Variants in GTF2E2 observed in about 807,000 individuals in gnomAD.
GTF2E2 encodes general transcription factor IIE subunit 2.
GTF2E2 carries 21 observed loss-of-function variants against 40.5 expected under a neutral mutation model. The ratio of observed to expected loss-of-function variants is 0.52; its 90% CI spans 0.37 to 0.75. GTF2E2 has a LOEUF of 0.75. Among genes scored for constraint, GTF2E2 ranks in the 30% least tolerant of loss-of-function variants. The pLI, the probability that GTF2E2 is intolerant of heterozygous loss-of-function variation, is 0.00. For synonymous variants in GTF2E2, 117 were observed against 121.6 expected, an observed-to-expected ratio of 0.96 and a Z score of 0.25; for missense variants, 298 against 338.4, an observed-to-expected ratio of 0.88 and a Z score of 0.94.
At chr8:30,627,160 A>T (rs1443043659) in intron 3 of GTF2E2, among the ~76,000 whole-genome samples, 2 of 152,204 alleles carry the variant, frequency 1.3e-5, no homozygotes, top group Non-Finnish European at 2.9e-5. Flanking sequence ...AATTGATGAC[A>T]TGTCACATGA....
At chr8:30,622,404 G>T (rs1003676455) in intron 3 of GTF2E2, among the ~76,000 whole-genome samples, 1 of 150,814 alleles carries the variant, frequency 6.6e-6, no homozygotes. Flanking sequence ...CAAATAGGGT[G>T]TGGGTCACAG....
At chr8:30,609,278 A>G (rs942536792) in intron 5 of GTF2E2, among the ~76,000 whole-genome samples, 10 of 108,836 alleles carry the variant, frequency 9.2e-5, no homozygotes, top group African/African-American at 2.8e-4. Context: ...AAAAAAAAAA[A>G]AAGAGAAAGA....
At chr8:30,616,652 GA>G (rs1378921699) in intron 3 of GTF2E2, among the ~76,000 whole-genome samples, 2 of 151,968 alleles carry the variant, frequency 1.3e-5, no homozygotes, top group African/African-American at 4.8e-5. Context: ...TATGGACTTT[GA>G]GTGGTAATTT....
intron 1 of GTF2E2, among the ~76,000 whole-genome samples, chr8:30,655,870 G>A (rs999270567): frequency 6.6e-6 from 1 of 152,062 alleles, no homozygotes; most frequent in African/African-American, 2.4e-5. Context: ...GAGTGCAGTG[G>A]TGCAATCTCG....
At chr8:30,594,679 G>A (rs1310870289) in intron 6 of GTF2E2, among the ~76,000 whole-genome samples, 1 of 151,494 alleles carries the variant, frequency 6.6e-6, no homozygotes, top group Non-Finnish European at 1.5e-5. Flanking sequence ...CCAACATGAA[G>A]AAATCCTGTC....
chr8:30,597,396 A>T (rs943558960), intron 6 of GTF2E2: 1 of 152,162 alleles, frequency 6.6e-6, no homozygotes, highest in East Asian at 1.9e-4. Flanking sequence ...CCTTGCCTCA[A>T]TCTTTTTTGT....
chr8:30,580,328 TCA>T lies in GTF2E2; in HGVS notation c.710_711del (p.Leu237GlnfsTer34), dbSNP rs1828480920. 6.2e-7 allele frequency: 1 copy of T among 1,611,238 alleles called. No individual in the cohort carries two copies. Among genetic ancestry groups the T allele is most frequent in the Admixed American group, 1.7e-5 (1 of 60,010 alleles). On this transcript the variant is annotated frameshift_variant, in exon 7 of 8. Coordinates refer to ENST00000355904, the MANE Select transcript of GTF2E2 (RefSeq NM_002095.6). LOFTEE classifies it high-confidence loss of function. ...SMDEEKIEEY[L>X]KRQGISSMQE... ...TGCATGGAAGAAATACCCTGTCGCT[TCA>T]GATATTCTTCAATTTTCTCCTCGTC...
At chr8:30,637,172 C>CCATTTTGT in intron 2 of GTF2E2, 1 of 453,524 alleles carries the variant, frequency 2.2e-6, no homozygotes, top group African/African-American at 2.0e-5. Flanking sequence ...CTGAAACTGG[C>CCATTTTGT]CATTTTGTCA....
At chr8:30,604,672 G>T (rs770448010) in intron 6 of GTF2E2, among the ~76,000 whole-genome samples, 1 of 152,094 alleles carries the variant, frequency 6.6e-6, no homozygotes, top group Non-Finnish European at 1.5e-5. Flanking sequence ...CACAAGACAC[G>T]GAACACATAT....
chr8:30,580,556 C>A (rs145220998), intron 6 of GTF2E2, among the ~76,000 whole-genome samples, 160 bp from the exon 7 acceptor site: 1 of 152,148 alleles, frequency 6.6e-6, no homozygotes, highest in Non-Finnish European at 1.5e-5. Flanking sequence ...ATGTGGGACA[C>A]GGTGCAGGGA....
chr8:30,584,143 C>T (rs1828603707), intron 6 of GTF2E2, among the ~76,000 whole-genome samples: 1 of 151,608 alleles, frequency 6.6e-6, no homozygotes. Context: ...AACATCCCAG[C>T]TCTAATCACT....
At chr8:30,651,077 G>T (rs1427879651) in intron 2 of GTF2E2, among the ~76,000 whole-genome samples, 2 of 151,838 alleles carry the variant, frequency 1.3e-5, no homozygotes, top group Non-Finnish European at 2.9e-5. Context: ...ACTGGAAAGG[G>T]CATGTACAAA....
chr8:30,614,206 A>C (rs943649867), intron 4 of GTF2E2, among the ~76,000 whole-genome samples: 1 of 152,226 alleles, frequency 6.6e-6, no homozygotes, highest in African/African-American at 2.4e-5. Context: ...CAATCTTATA[A>C]ATGTGTACAT....
At chr8:30,581,116 C>A (rs955888968) in intron 6 of GTF2E2, among the ~76,000 whole-genome samples, 1 of 152,190 alleles carries the variant, frequency 6.6e-6, no homozygotes, top group African/African-American at 2.4e-5. Context: ...AGGTTCTGAT[C>A]ACTGGTTTCA....
intron 6 of GTF2E2, among the ~76,000 whole-genome samples, chr8:30,584,275 T>C (rs1277632819): frequency 2.0e-5 from 3 of 152,132 alleles, no homozygotes; most frequent in East Asian, 3.8e-4. Flanking sequence ...GCTCATCTTG[T>C]ATTTCCCCTC....
chr8:30,628,041 T>G (rs1189483459), intron 3 of GTF2E2, among the ~76,000 whole-genome samples: 1 of 152,210 alleles, frequency 6.6e-6, no homozygotes, highest in Non-Finnish European at 1.5e-5. Flanking sequence ...GTAATGCTGT[T>G]TGGGCTTGAA....
At chr8:30,580,721 C>T (rs984876504) in intron 6 of GTF2E2, among the ~76,000 whole-genome samples, 1 of 152,192 alleles carries the variant, frequency 6.6e-6, no homozygotes, top group Non-Finnish European at 1.5e-5. Context: ...AGCTTATTTC[C>T]TGCTCAGCTC....
intron 6 of GTF2E2, among the ~76,000 whole-genome samples, chr8:30,586,252 T>C (rs545592231): frequency 1.3e-5 from 2 of 152,334 alleles, no homozygotes; most frequent in East Asian, 3.9e-4. Context: ...CCTCATCTTC[T>C]AGTGATCTTA....
intron 6 of GTF2E2, among the ~76,000 whole-genome samples, chr8:30,593,446 T>C (rs1162691205): frequency 6.6e-6 from 1 of 152,242 alleles, no homozygotes; most frequent in Non-Finnish European, 1.5e-5. Flanking sequence ...TATAGGTATT[T>C]AGGACTATTA....
Sources: allele counts gnomAD v4.1 joint callset (sites outside exome capture counted in the v4.1 genomes callset), GRCh38; gene constraint gnomAD v4.1.1; transcripts MANE v1.5; gene names NCBI Gene and HGNC (gene_info 2026-07-23, HGNC 2026-07-21).